Variants in PCDH11Y observed in about 807,000 individuals in gnomAD.
PCDH11Y encodes the protein protocadherin-11 Y-linked.
For missense variants in PCDH11Y, 12 were observed against 224.8 expected, an observed-to-expected ratio of 0.05 and a Z score of 6.05; for synonymous variants, 9 against 83.6, an observed-to-expected ratio of 0.11 and a Z score of 4.87.
intron 2 of PCDH11Y, among the ~76,000 whole-genome samples, chrY:5,325,624 T>C: frequency 3.0e-5 from 1 of 33,302 alleles, no homozygotes; most frequent in African/African-American, 1.2e-4. Context: ...CAGCAAAGAT[T>C]ATTTATTTAC....
At chrY:5,551,523 A>G (rs2053418627) in intron 3 of PCDH11Y, among the ~76,000 whole-genome samples, 1 of 32,655 alleles carries the variant, frequency 3.1e-5, no homozygotes, top group African/African-American at 1.2e-4. Flanking sequence ...TTAATTATGT[A>G]TCATTTATTG....
At chrY:5,205,691 G>T (rs2052931625) in intron 2 of PCDH11Y, among the ~76,000 whole-genome samples, 1 of 26,150 alleles carries the variant, frequency 3.8e-5, no homozygotes, top group Non-Finnish European at 8.6e-5. Flanking sequence ...TAGTGAGCAA[G>T]ATTTGTTCTC....
intron 2 of PCDH11Y, among the ~76,000 whole-genome samples, chrY:5,285,214 T>A: frequency 3.2e-5 from 1 of 31,619 alleles, no homozygotes; most frequent in African/African-American, 1.2e-4. Context: ...CCATTTATGT[T>A]GCTTCAAAGG....
intron 2 of PCDH11Y, among the ~76,000 whole-genome samples, chrY:5,384,904 A>G (rs1240773464): frequency 1.0e-4 from 3 of 29,219 alleles, no homozygotes; most frequent in Non-Finnish European, 2.4e-4. Flanking sequence ...TTTTCAAAAA[A>G]AAAAGGTTTG....
chrY:5,205,020 G>T, intron 2 of PCDH11Y, among the ~76,000 whole-genome samples: 8 of 33,103 alleles, frequency 2.4e-4, no homozygotes, highest in Admixed American at 2.2e-3. Flanking sequence ...TTTTAGTTTG[G>T]TTTGGTTTTG....
chrY:5,255,558 A>C, intron 2 of PCDH11Y, among the ~76,000 whole-genome samples: 1 of 32,746 alleles, frequency 3.1e-5, no homozygotes, highest in Admixed American at 2.8e-4. Flanking sequence ...TGGGGTATAT[A>C]TGCAGCAGTG....
At chrY:5,708,342 C>T in intron 4 of PCDH11Y, among the ~76,000 whole-genome samples, 1 of 32,582 alleles carries the variant, frequency 3.1e-5, no homozygotes, top group Non-Finnish European at 7.5e-5. Flanking sequence ...CACAAAAAAC[C>T]GGAATATTAT....
At chrY:5,357,744 C>T in intron 2 of PCDH11Y, among the ~76,000 whole-genome samples, 1 of 33,266 alleles carries the variant, frequency 3.0e-5, no homozygotes, top group African/African-American at 1.2e-4. Context: ...ACAAAAATGT[C>T]TAATGCCATT....
chrY:5,419,805 G>T, intron 2 of PCDH11Y, among the ~76,000 whole-genome samples: 1 of 32,432 alleles, frequency 3.1e-5, no homozygotes, highest in Non-Finnish European at 7.5e-5. Flanking sequence ...ATCAAATTAG[G>T]ACCCCAGCTT....
intron 2 of PCDH11Y, among the ~76,000 whole-genome samples, chrY:5,164,453 T>C (rs2052877269): frequency 3.0e-5 from 1 of 32,851 alleles, no homozygotes; most frequent in Non-Finnish European, 7.5e-5. Flanking sequence ...ATGAAAAAGT[T>C]GTATCTAAAA....
chrY:5,573,792 G>A, intron 3 of PCDH11Y: 2 of 219,138 alleles, frequency 9.1e-6, no homozygotes, highest in South Asian at 6.8e-5. Flanking sequence ...GAACCACGAA[G>A]AGGAAGTAAA....
intron 2 of PCDH11Y, among the ~76,000 whole-genome samples, chrY:5,122,052 A>T: frequency 3.0e-5 from 1 of 33,284 alleles, no homozygotes. Flanking sequence ...GCACCTCAGC[A>T]GGTTGTGGTT....
At chrY:5,681,994 C>A (rs2053558846) in intron 4 of PCDH11Y, among the ~76,000 whole-genome samples, 1 of 31,329 alleles carries the variant, frequency 3.2e-5, no homozygotes, top group African/African-American at 1.2e-4. Context: ...GACCTTGGCT[C>A]CATTTCCCAA....
At chrY:5,191,779 T>C (rs2124648427) in intron 2 of PCDH11Y, among the ~76,000 whole-genome samples, 1 of 31,389 alleles carries the variant, frequency 3.2e-5, no homozygotes, top group African/African-American at 1.3e-4. Context: ...GGATGATGGC[T>C]TCCAGCTTCA....
chrY:5,377,790 G>A, intron 2 of PCDH11Y, among the ~76,000 whole-genome samples: 1 of 33,351 alleles, frequency 3.0e-5, no homozygotes, highest in African/African-American at 1.2e-4. Flanking sequence ...TAGCTCTGTT[G>A]CCCAGGTTGG....
intron 3 of PCDH11Y, among the ~76,000 whole-genome samples, chrY:5,560,386 T>C: frequency 6.0e-5 from 2 of 33,306 alleles, no homozygotes; most frequent in Admixed American, 2.7e-4. Context: ...CATAACTAAT[T>C]AGAAGCTGTA....
intron 2 of PCDH11Y, among the ~76,000 whole-genome samples, chrY:5,346,855 C>A: frequency 2.1e-4 from 7 of 33,069 alleles, no homozygotes; most frequent in Non-Finnish European, 3.0e-4. Flanking sequence ...TTATTCCTAT[C>A]CCTGAAATAA....
chrY:5,436,108 C>T, intron 2 of PCDH11Y, among the ~76,000 whole-genome samples: 2 of 33,722 alleles, frequency 5.9e-5, no homozygotes, highest in Non-Finnish European at 1.5e-4. Flanking sequence ...ATTTTTAAAG[C>T]TTTTCCAGCA....
intron 2 of PCDH11Y, among the ~76,000 whole-genome samples, chrY:5,439,956 T>G: frequency 3.0e-5 from 1 of 32,913 alleles, no homozygotes; most frequent in Admixed American, 2.8e-4. Flanking sequence ...TCAGCTCTAC[T>G]TTCCTATAAC....
Sources: gnomAD v4.1 joint callset for allele counts (sites outside exome capture counted in the v4.1 genomes callset) on GRCh38, gnomAD v4.1.1 for gene constraint, MANE v1.5 for transcripts, NCBI Gene and HGNC (gene_info 2026-07-23, HGNC 2026-07-21) for gene names.